Variants in CDH4 observed in about 807,000 individuals in gnomAD.
CDH4 encodes the protein cadherin-4.
Under a neutral mutation model 86.0 loss-of-function variants are expected in CDH4, and 33 were observed. That is an observed-to-expected ratio of 0.38 (90% CI 0.29 to 0.51). The LOEUF (loss-of-function observed/expected upper bound fraction) is 0.51, where lower values mean the gene tolerates loss of function less well. Among genes scored for constraint, CDH4 ranks in the 20% least tolerant of loss-of-function variants. The pLI is 0.86. For missense variants in CDH4, 1,114 were observed against 1,307.4 expected, an observed-to-expected ratio of 0.85 and a Z score of 2.28; for synonymous variants, 555 against 549.4, an observed-to-expected ratio of 1.01 and a Z score of -0.14.
At chr20:61,875,470 A>G (rs1234714054) in intron 7 of CDH4, among the ~76,000 whole-genome samples, 1 of 152,162 alleles carries the variant, frequency 6.6e-6, no homozygotes, top group Non-Finnish European at 1.5e-5. Flanking sequence ...CATCTGAGAG[A>G]CAGAAGGATG....
chr20:61,540,594 T>C (rs1203111614), intron 2 of CDH4, among the ~76,000 whole-genome samples: 2 of 152,198 alleles, frequency 1.3e-5, no homozygotes, highest in East Asian at 3.9e-4. Flanking sequence ...AGGAAGAACC[T>C]GGTGGCTGGT....
intron 15 of CDH4, among the ~76,000 whole-genome samples, chr20:61,934,737 CCCACA>C (rs199537506): frequency 5.5e-4 from 81 of 148,602 alleles, no homozygotes; most frequent in Middle Eastern, 3.4e-3. Flanking sequence ...CCCACCCCAC[CCCACA>C]CCCCAAACAT....
At chr20:61,321,006 T>A (rs1256638038) in intron 2 of CDH4, among the ~76,000 whole-genome samples, 1 of 152,124 alleles carries the variant, frequency 6.6e-6, no homozygotes, top group Non-Finnish European at 1.5e-5. Flanking sequence ...TCTGTCCAGC[T>A]GCTCTAGCCT....
rs991673499 is a variant in CDH4, at chr20:61,884,909, C to T, written c.1051-10001C>T. ...GGGGTTGGGACACCGGCTGGAGCCC[C>T]GGGCTAAGAGTAGGCATAGGGTAGG... On this transcript the variant is annotated intron_variant, in intron 7 of 15. Coordinates refer to ENST00000614565, the MANE Select transcript of CDH4 (RefSeq NM_001794.5). Among the ~76,000 whole-genome samples, 4 of 152,096 alleles carry T rather than the reference C, an allele frequency of 2.6e-5. No individual in the cohort carries two copies. In the South Asian group the frequency reaches 6.2e-4, roughly 24 times the overall value.
intron 4 of CDH4, among the ~76,000 whole-genome samples, chr20:61,803,272 G>A (rs1216958321): frequency 6.6e-6 from 1 of 152,140 alleles, no homozygotes; most frequent in African/African-American, 2.4e-5. Flanking sequence ...ATCCGCCCGG[G>A]CTGGCAGTTA....
intron 2 of CDH4, among the ~76,000 whole-genome samples, chr20:61,460,381 T>C (rs1421587248): frequency 1.3e-5 from 2 of 152,176 alleles, no homozygotes; most frequent in Non-Finnish European, 2.9e-5. Flanking sequence ...GAGACCAGCT[T>C]CTCTCAGCTG....
At chr20:61,875,440 G>C (rs62204972) in intron 7 of CDH4, among the ~76,000 whole-genome samples, 47,733 of 152,042 alleles carry the variant, frequency 0.31, 8,392 homozygotes, top group Non-Finnish European at 0.4. Flanking sequence ...GACGTTGTCA[G>C]CCCCAGCCGT....
At position 61,434,463 on chromosome 20, in the gene CDH4, C is replaced by T. The variant is rs547277532; in HGVS notation, c.169+179526C>T. Among the ~76,000 whole-genome samples the T allele has an allele frequency of 7.2e-5, 11 of 152,210 alleles. No homozygotes were observed. In the South Asian group the frequency reaches 1.2e-3, roughly 17 times the overall value. ...TTTATGAGATAGATTGCACGTTCACCGCGGCGCTCAAAGAAACCAGATCGG... is the reference window on the plus strand; with the variant it reads ...TTTATGAGATAGATTGCACGTTCACTGCGGCGCTCAAAGAAACCAGATCGG... On this transcript the variant is annotated intron_variant, in intron 2 of 15. Transcript: ENST00000614565.
intron 2 of CDH4, among the ~76,000 whole-genome samples, chr20:61,692,277 G>C (rs970041070): frequency 1.3e-5 from 2 of 150,562 alleles, no homozygotes; most frequent in Non-Finnish European, 3.0e-5. Flanking sequence ...GTGTGTCTTT[G>C]TGTGTGTGTG....
At chr20:61,706,376 A>G (rs62197827) in intron 2 of CDH4, among the ~76,000 whole-genome samples, 26,369 of 152,142 alleles carry the variant, frequency 0.17, 2,615 homozygotes, top group Admixed American at 0.25. Context: ...GGCACCGACA[A>G]CTGACAGAAA....
intron 2 of CDH4, among the ~76,000 whole-genome samples, chr20:61,603,560 C>T (rs1251501463): frequency 1.3e-5 from 2 of 152,194 alleles, no homozygotes; most frequent in Non-Finnish European, 2.9e-5. Context: ...AGACCCAAAG[C>T]ACAGGGAGCA....
intron 2 of CDH4, among the ~76,000 whole-genome samples, chr20:61,484,823 C>T (rs966959854): frequency 3.3e-5 from 5 of 152,200 alleles, no homozygotes; most frequent in Non-Finnish European, 4.4e-5. Flanking sequence ...TGTTGAGCCA[C>T]CTTATCCAGG....
At chr20:61,326,214 T>G (rs181843863) in intron 2 of CDH4, among the ~76,000 whole-genome samples, 6 of 152,328 alleles carry the variant, frequency 3.9e-5, no homozygotes, top group Admixed American at 2.6e-4. Context: ...CCGCACTGCC[T>G]TGTTTTAGGA....
At chr20:61,804,246 G>A (rs1485045683) in intron 4 of CDH4, among the ~76,000 whole-genome samples, 1 of 152,250 alleles carries the variant, frequency 6.6e-6, no homozygotes, top group East Asian at 1.9e-4. Context: ...GCTGGCCTCT[G>A]CAGGTTCTGT....
chr20:61,934,286 C>T, intron 15 of CDH4, 66 bp downstream of exon 15: 3 of 1,469,828 alleles, frequency 2.0e-6, no homozygotes, highest in Non-Finnish European at 1.8e-6. Flanking sequence ...ATTCTGGTAA[C>T]ACACACAGAA....
At chr20:61,538,090 C>T (rs1238831389) in intron 2 of CDH4, among the ~76,000 whole-genome samples, 2 of 152,086 alleles carry the variant, frequency 1.3e-5, no homozygotes, top group Non-Finnish European at 2.9e-5. Context: ...TGAGGAGGTG[C>T]ATTCACACAG....
chr20:61,932,117 AGACACT>A (rs2055118218), intron 13 of CDH4, among the ~76,000 whole-genome samples: 1 of 152,124 alleles, frequency 6.6e-6, no homozygotes, highest in South Asian at 2.1e-4. Flanking sequence ...ATTCCTACCA[AGACACT>A]GTGTGCCTAA....
chr20:61,684,017 GGC>G lies in CDH4; in HGVS notation c.170-59544_170-59543del, dbSNP rs1236343935. Among the ~76,000 whole-genome samples, 2 of 152,210 alleles carry G rather than the reference GGC, an allele frequency of 1.3e-5. No homozygotes were observed. Among genetic ancestry groups the G allele is most frequent in the African/African-American group, 4.8e-5 (2 of 41,450 alleles). ...GGAGCTCCTCGTGTCTGGGGAGGTG[GGC>G]GTGGCAGGGACTACAGCCAGAGCTG... On this transcript the variant is annotated intron_variant, in intron 2 of 15. Transcript: ENST00000614565. This position sits in a 1 kb window ranked among gnomAD's most constrained non-coding sequence, Gnocchi z 4.5.
chr20:61,371,520 C>T (rs931588869), intron 2 of CDH4, among the ~76,000 whole-genome samples: 15 of 152,260 alleles, frequency 9.9e-5, no homozygotes, highest in African/African-American at 3.6e-4. Context: ...GGTGGACTGT[C>T]TGGTTATTCC....
Sources: gnomAD v4.1 joint callset for allele counts (sites outside exome capture counted in the v4.1 genomes callset) on GRCh38, gnomAD v4.1.1 for gene constraint, Gnocchi (gnomAD v3.1) non-coding constraint, MANE v1.5 for transcripts, NCBI Gene and HGNC (gene_info 2026-07-23, HGNC 2026-07-21) for gene names.